SNX18: variants seen among roughly 807,000 people sequenced by gnomAD.
SNX18 encodes the protein sorting nexin-18.
In SNX18, 35 loss-of-function variants were observed where a neutral mutation model predicts 48.7. The ratio of observed to expected loss-of-function variants is 0.72; its 90% CI spans 0.55 to 0.95. The LOEUF (loss-of-function observed/expected upper bound fraction) is 0.95, where lower values mean the gene tolerates loss of function less well. Among genes scored for constraint, SNX18 ranks in the 40% least tolerant of loss-of-function variants. The pLI is 0.00. For missense variants in SNX18, 824 were observed against 871.0 expected (o/e 0.95, Z 0.68); for synonymous variants, 492 against 384.7 (o/e 1.28, Z -3.26).
chr5:54,610,577 C>G, the SNX18 span, among the ~76,000 whole-genome samples: 1 of 152,182 alleles, frequency 6.6e-6, no homozygotes, highest in Non-Finnish European at 1.5e-5. Flanking sequence ...TGCAAATAAT[C>G]AGGCAAATAA....
At chr5:54,551,189 T>G (rs976164865), downstream of SNX18, among the ~76,000 whole-genome samples, 2 of 152,156 alleles carry the variant, frequency 1.3e-5, no homozygotes, top group Non-Finnish European at 2.9e-5. Flanking sequence ...AAGAACTATC[T>G]TGTTTGGACA....
chr5:54,600,393 G>A, the SNX18 span, among the ~76,000 whole-genome samples: 1 of 152,206 alleles, frequency 6.6e-6, no homozygotes, highest in Non-Finnish European at 1.5e-5. Flanking sequence ...ATGTAAATTA[G>A]TTCAACCATT....
the SNX18 span, among the ~76,000 whole-genome samples, chr5:54,552,198 G>A: frequency 4.6e-5 from 7 of 152,174 alleles, no homozygotes; most frequent in Admixed American, 2.6e-4. Flanking sequence ...ATTCGTGAGC[G>A]GCTGGCTGGT....
chr5:54,543,363 A>G lies in SNX18; in HGVS notation c.1806A>G (p.Gln602=). 1.9e-6 allele frequency: 3 copies of G among 1,614,218 alleles called. No individual in the cohort carries two copies. The highest frequency in any genetic ancestry group is 2.5e-6 in the Non-Finnish European group (3 of 1,180,036). ...CACAGATGCAGCATTTCTTACAACA[A>G]CAAATAATATTTTTCCAAAAAGTTA... is the stretch of plus-strand genomic sequence containing the variant. ...FKSQMQHFLQ[Q]QIIFFQKVTQ... The change falls in exon 2 of 2, where the codon CAA becomes CAG. Residue 602 remains glutamine, a synonymous_variant. Transcript: ENST00000381410.
the SNX18 span, among the ~76,000 whole-genome samples, chr5:54,612,485 G>A: frequency 1.1e-4 from 17 of 151,918 alleles, no homozygotes; most frequent in African/African-American, 3.4e-4. Context: ...GGCTGGTCTC[G>A]AACTCCTGAC....
the SNX18 span, among the ~76,000 whole-genome samples, chr5:54,627,302 A>G: frequency 6.6e-6 from 1 of 152,174 alleles, no homozygotes; most frequent in Non-Finnish European, 1.5e-5. Context: ...TACTCTTCCT[A>G]TTAGCAGGAA....
At chr5:54,603,186 A>C in the SNX18 span, among the ~76,000 whole-genome samples, 1 of 151,330 alleles carries the variant, frequency 6.6e-6, no homozygotes, top group Admixed American at 6.6e-5. Context: ...TATGGCATGA[A>C]TAATCAGAAT....
downstream of SNX18, among the ~76,000 whole-genome samples, chr5:54,549,213 G>A (rs1271952869): frequency 1.3e-5 from 2 of 152,154 alleles, no homozygotes; most frequent in African/African-American, 2.4e-5. Context: ...ATTGACAGGA[G>A]GGATAGAGTA....
At chr5:54,625,650 C>T in the SNX18 span, among the ~76,000 whole-genome samples, 994 of 152,246 alleles carry the variant, frequency 6.5e-3, 6 homozygotes, top group African/African-American at 0.022. Flanking sequence ...CCAGCCCATA[C>T]TCAGAAGAGA....
chr5:54,572,823 T>C, the SNX18 span, among the ~76,000 whole-genome samples: 2 of 113,176 alleles, frequency 1.8e-5, no homozygotes, highest in South Asian at 6.8e-4. Flanking sequence ...AGACAGAGTA[T>C]CACTTCGTCA....
At position 54,545,261 on chromosome 5, in the gene SNX18, A is replaced by G. The variant is rs1762556731; in HGVS notation, c.*1829A>G. 2 of 152,238 alleles carry G rather than the reference A, an allele frequency of 1.3e-5. No individual in the cohort carries two copies. The highest frequency in any genetic ancestry group is 4.1e-4 in the South Asian group (2 of 4,836). 9.4% of individuals were successfully genotyped at this position (152,238 alleles called of 1,614,324 possible). A position where few individuals can be genotyped will look rare whatever the true frequency, so the allele number is the denominator to read the frequency against. On this transcript the variant is annotated 3_prime_UTR_variant, in exon 2 of 2. Coordinates refer to ENST00000381410, the MANE Select transcript of SNX18 (RefSeq NM_001102575.2). ...AAATACAGTTCTATAAACAAAACCC[A>G]TATGTATATATAAATGTTAATTTTG...
At chr5:54,525,823 T>A (rs1561115552) in intron 1 of SNX18, among the ~76,000 whole-genome samples, 1 of 152,212 alleles carries the variant, frequency 6.6e-6, no homozygotes, top group Non-Finnish European at 1.5e-5. Flanking sequence ...AGACATTGTT[T>A]CAGGCTGATT....
intron 1 of SNX18, among the ~76,000 whole-genome samples, chr5:54,533,077 T>G (rs891506337): frequency 4.6e-5 from 7 of 152,152 alleles, no homozygotes; most frequent in Non-Finnish European, 8.8e-5. Context: ...CTGAATTCTT[T>G]AAGTGATTTT....
rs1761955451 is a variant in SNX18, at chr5:54,519,198, G to A, written c.1246G>A (p.Ala416Thr). ...CTTCCTGACCCTTAGCACGCCCCCC[G>A]CCGCTGCCCTTGACCTGCAGGAGGT... ...NFFLTLSTPPAAALDLQEVES... is the reference protein window; with the variant it reads ...NFFLTLSTPPTAALDLQEVES... Residue 416 changes from alanine (A) to threonine (T), a missense_variant, in exon 1 of 2, where the codon GCC becomes ACC. Around this residue, in one of 3 missense-constraint regions of SNX18, gnomAD observed 443 missense variants for 503.6 expected, o/e 0.88. Coordinates refer to ENST00000381410, the MANE Select transcript of SNX18 (RefSeq NM_001102575.2). The A allele has an allele frequency of 6.2e-7, 1 of 1,613,920 alleles. No homozygotes were observed. Among genetic ancestry groups the A allele is most frequent in the Non-Finnish European group, 8.5e-7 (1 of 1,179,934 alleles).
At chr5:54,629,717 G>A in the SNX18 span, among the ~76,000 whole-genome samples, 13 of 152,314 alleles carry the variant, frequency 8.5e-5, no homozygotes, top group Admixed American at 6.5e-4. Flanking sequence ...AACTTTCACA[G>A]TGCTTTGTAC....
the SNX18 span, among the ~76,000 whole-genome samples, chr5:54,581,643 C>A: frequency 2.0e-5 from 3 of 152,090 alleles, no homozygotes; most frequent in Non-Finnish European, 4.4e-5. Context: ...CATCATTCAA[C>A]AGTCAGCAAA....
At chr5:54,602,700 T>A in the SNX18 span, among the ~76,000 whole-genome samples, 1 of 152,142 alleles carries the variant, frequency 6.6e-6, no homozygotes, top group Non-Finnish European at 1.5e-5. Flanking sequence ...GAGGGCCAAG[T>A]GGGTGACTTG....
the SNX18 span, among the ~76,000 whole-genome samples, chr5:54,640,315 G>A: frequency 6.6e-6 from 1 of 151,708 alleles, no homozygotes. Context: ...CCAGGCTCAA[G>A]CGACTTTCCT....
At chr5:54,612,495 C>G in the SNX18 span, among the ~76,000 whole-genome samples, 2 of 152,212 alleles carry the variant, frequency 1.3e-5, no homozygotes, top group South Asian at 4.2e-4. Context: ...GAACTCCTGA[C>G]TTCATGATCT....
Sources: gnomAD v4.1 joint callset for allele counts (sites outside exome capture counted in the v4.1 genomes callset) on GRCh38, gnomAD v4.1.1 for gene constraint, gnomAD v4.1.1 regional missense constraint, MANE v1.5 for transcripts, NCBI Gene and HGNC (gene_info 2026-07-23, HGNC 2026-07-21) for gene names.